UMAD1: variants seen among roughly 807,000 people sequenced by gnomAD.
UMAD1 encodes the protein UBAP1-MVB12-associated (UMA) domain containing 1.
Under a neutral mutation model 6.1 loss-of-function variants are expected in UMAD1, and 8 were observed. The observed-to-expected ratio is 1.30, with a 90% confidence interval of 0.76 to 2.35. UMAD1 has a LOEUF of 2.35. Among genes scored for constraint, UMAD1 ranks in the 30% most tolerant of loss-of-function variants. UMAD1 has a pLI of 0.00. For synonymous variants in UMAD1, 56 were observed against 31.4 expected (o/e 1.78, Z -2.61); for missense variants, 130 against 78.4 (o/e 1.66, Z -2.49).
At chr7:7,833,216 C>T (rs1482440119) in intron 3 of UMAD1, among the ~76,000 whole-genome samples, 4 of 152,056 alleles carry the variant, frequency 2.6e-5, no homozygotes, top group African/African-American at 9.7e-5. Flanking sequence ...GGGCAGGCCT[C>T]ACCATGCCAG....
At chr7:7,690,073 T>C (rs1780137934) in intron 2 of UMAD1, among the ~76,000 whole-genome samples, 1 of 152,164 alleles carries the variant, frequency 6.6e-6, no homozygotes. Context: ...CATTATATTT[T>C]CCCACCCATT....
At chr7:7,709,318 T>C (rs957767528) in intron 2 of UMAD1, among the ~76,000 whole-genome samples, 4 of 152,244 alleles carry the variant, frequency 2.6e-5, no homozygotes, top group African/African-American at 9.6e-5. Flanking sequence ...TAGAAACTTG[T>C]TCAATTGTGG....
intron 2 of UMAD1, among the ~76,000 whole-genome samples, chr7:7,747,936 A>G (rs1781604092): frequency 6.6e-6 from 1 of 152,148 alleles, no homozygotes; most frequent in Admixed American, 6.6e-5. Flanking sequence ...ATGCATAATC[A>G]TCTAATAAAG....
chr7:7,867,348 G>C (rs1323691965), intron 3 of UMAD1, among the ~76,000 whole-genome samples: 2 of 152,140 alleles, frequency 1.3e-5, no homozygotes, highest in Non-Finnish European at 2.9e-5. Context: ...CAGTAGGCAT[G>C]CTCCATATCA....
intron 1 of UMAD1, among the ~76,000 whole-genome samples, chr7:7,652,776 T>C (rs2115551744): frequency 6.6e-6 from 1 of 152,314 alleles, no homozygotes; most frequent in African/African-American, 2.4e-5. Context: ...TAAAAGAAGT[T>C]TGTTCTTCAA....
At chr7:7,676,389 AGTTTCT>A (rs959100691) in intron 2 of UMAD1, among the ~76,000 whole-genome samples, 1 of 152,224 alleles carries the variant, frequency 6.6e-6, no homozygotes, top group Admixed American at 6.5e-5. Flanking sequence ...AATGTTTCCA[AGTTTCT>A]CCAGTTAGTA....
At chr7:7,768,763 A>G (rs1187127254) in intron 2 of UMAD1, among the ~76,000 whole-genome samples, 2 of 152,228 alleles carry the variant, frequency 1.3e-5, no homozygotes, top group Non-Finnish European at 2.9e-5. Context: ...AAATAAATAA[A>G]TGAATGCATA....
intron 3 of UMAD1, among the ~76,000 whole-genome samples, chr7:7,808,399 C>T (rs10237022): frequency 0.042 from 6,432 of 151,908 alleles, 211 homozygotes; most frequent in African/African-American, 0.095. Context: ...GTAAGCAAGT[C>T]GTCATTCTTT....
intron 2 of UMAD1, among the ~76,000 whole-genome samples, chr7:7,692,010 AT>A (rs1158786561): frequency 6.6e-6 from 1 of 152,208 alleles, no homozygotes; most frequent in Admixed American, 6.5e-5. Context: ...GTGAAGTTAG[AT>A]TGAGAAAAAA....
intron 2 of UMAD1, among the ~76,000 whole-genome samples, chr7:7,689,822 C>T (rs1780131403): frequency 6.6e-6 from 1 of 152,074 alleles, no homozygotes; most frequent in South Asian, 2.1e-4. Context: ...AAATGTTGTG[C>T]ATTTTGGATA....
At chr7:7,721,975 G>T (rs1165759876) in intron 2 of UMAD1, among the ~76,000 whole-genome samples, 1 of 152,042 alleles carries the variant, frequency 6.6e-6, no homozygotes, top group Non-Finnish European at 1.5e-5. Context: ...GGCTAGACTG[G>T]CTTAGCCTCC....
At chr7:7,683,691 C>G (rs1454290353) in intron 2 of UMAD1, among the ~76,000 whole-genome samples, 1 of 151,672 alleles carries the variant, frequency 6.6e-6, no homozygotes, top group African/African-American at 2.4e-5. Flanking sequence ...GGCATGGTCT[C>G]TGTTCACTGC....
At chr7:7,755,245 G>A (rs1295679510) in intron 2 of UMAD1, among the ~76,000 whole-genome samples, 1 of 152,132 alleles carries the variant, frequency 6.6e-6, no homozygotes, top group African/African-American at 2.4e-5. Flanking sequence ...TTAAGGTCTT[G>A]TTTAGTGTCT....
intron 2 of UMAD1, among the ~76,000 whole-genome samples, chr7:7,690,277 C>T (rs1453753945): frequency 6.6e-6 from 1 of 151,724 alleles, no homozygotes; most frequent in African/African-American, 2.4e-5. Flanking sequence ...TAAATGAAAC[C>T]ATAATTTTTT....
At chr7:7,659,860 A>G (rs1785431808) in intron 1 of UMAD1, among the ~76,000 whole-genome samples, 1 of 152,064 alleles carries the variant, frequency 6.6e-6, no homozygotes, top group Non-Finnish European at 1.5e-5. Context: ...TATCCTTGTT[A>G]ATTTTCTGTC....
intron 3 of UMAD1, among the ~76,000 whole-genome samples, chr7:7,831,894 A>G (rs1783473542): frequency 6.6e-6 from 1 of 152,206 alleles, no homozygotes; most frequent in Non-Finnish European, 1.5e-5. Flanking sequence ...TTCAAAGGAC[A>G]ACTTCTTTCT....
At chr7:7,754,150 A>C (rs1291376709) in intron 2 of UMAD1, among the ~76,000 whole-genome samples, 1 of 151,982 alleles carries the variant, frequency 6.6e-6, no homozygotes, top group African/African-American at 2.4e-5. Context: ...GCGCCATTGC[A>C]CTCCAGCCTG....
At chr7:7,642,784 C>G (rs1165861391) in intron 1 of UMAD1, among the ~76,000 whole-genome samples, 1 of 152,104 alleles carries the variant, frequency 6.6e-6, no homozygotes. Flanking sequence ...TTTGCACTTC[C>G]CCAATGAAGC....
chr7:7,860,791 A>G (rs1438697151), intron 3 of UMAD1, among the ~76,000 whole-genome samples: 1 of 109,606 alleles, frequency 9.1e-6, no homozygotes, highest in East Asian at 1.9e-4. Context: ...AAAAAAAATA[A>G]CAAAAAAAAT....
Sources: allele counts gnomAD v4.1 joint callset (sites outside exome capture counted in the v4.1 genomes callset), GRCh38; gene constraint gnomAD v4.1.1; transcripts MANE v1.5; gene names NCBI Gene and HGNC (gene_info 2026-07-23, HGNC 2026-07-21).